PRKCE: variants seen among roughly 807,000 people sequenced by gnomAD.
PRKCE encodes the protein protein kinase C epsilon type.
PRKCE carries 16 observed loss-of-function variants against 85.4 expected under a neutral mutation model. The ratio of observed to expected loss-of-function variants is 0.19; its 90% CI spans 0.13 to 0.28. The LOEUF (loss-of-function observed/expected upper bound fraction) is 0.28, where lower values mean the gene tolerates loss of function less well. Among genes scored for constraint, PRKCE ranks in the 10% least tolerant of loss-of-function variants. The probability of loss-of-function intolerance (pLI) is 1.00; values close to 1 mark genes in which losing one functional copy is unlikely to be tolerated. For synonymous variants in PRKCE, 388 were observed against 371.5 expected (o/e 1.04, Z -0.51); for missense variants, 573 against 975.2 (o/e 0.59, Z 5.49).
At chr2:45,797,239 C>T (rs1558682490) in intron 1 of PRKCE, among the ~76,000 whole-genome samples, 1 of 152,230 alleles carries the variant, frequency 6.6e-6, no homozygotes, top group Non-Finnish European at 1.5e-5. Flanking sequence ...GGCCACTTTA[C>T]TCATTCTGCC....
chr2:45,883,176 T>C (rs1695007088), intron 2 of PRKCE, among the ~76,000 whole-genome samples: 1 of 152,258 alleles, frequency 6.6e-6, no homozygotes, highest in African/African-American at 2.4e-5. Context: ...TCACTGCATA[T>C]CGATGCTGCC....
chr2:45,826,314 T>C (rs572332568), intron 1 of PRKCE, among the ~76,000 whole-genome samples: 37 of 152,230 alleles, frequency 2.4e-4, no homozygotes, highest in Non-Finnish European at 4.4e-4. Flanking sequence ...AAATATTCTG[T>C]ATGTTACATG....
At chr2:45,832,935 A>G (rs1690555890) in intron 1 of PRKCE, among the ~76,000 whole-genome samples, 1 of 152,164 alleles carries the variant, frequency 6.6e-6, no homozygotes, top group African/African-American at 2.4e-5. Context: ...GAGAGTTGTG[A>G]TTATTAGTAT....
chr2:46,155,234 A>C lies in PRKCE; in HGVS notation c.1920+4005A>C, dbSNP rs930396332. On this transcript the variant is annotated intron_variant, in intron 13 of 14. Coordinates refer to ENST00000306156, the MANE Select transcript of PRKCE (RefSeq NM_005400.3). This position sits in a 1 kb window ranked among gnomAD's most constrained non-coding sequence, Gnocchi z 4.7. ...CTCGAAACATTAAATGATTATAACT[A>C]GTTCAATTAAATGATTACAACTAGT... Among the ~76,000 whole-genome samples the C allele has an allele frequency of 6.6e-6, 1 of 152,158 alleles. No homozygotes were observed. The highest frequency in any genetic ancestry group is 1.5e-5 in the Non-Finnish European group (1 of 68,018).
rs1677597058 is a variant in PRKCE, at chr2:46,159,986, A to G, written c.2067+234A>G. ...CAAGATGATGATTTACGTGGGCCACAGAACACCTTTTGTCTTTACAGAGAT... is the reference window on the plus strand; with the variant it reads ...CAAGATGATGATTTACGTGGGCCACGGAACACCTTTTGTCTTTACAGAGAT... On this transcript the variant is annotated intron_variant, in intron 14 of 14. Coordinates refer to ENST00000306156, the MANE Select transcript of PRKCE (RefSeq NM_005400.3). The surrounding 1 kb of genome is among the most constrained non-coding windows in gnomAD (Gnocchi z 4.1). 1 of 493,740 alleles carries G rather than the reference A, an allele frequency of 2.0e-6. No homozygotes were observed. The highest frequency in any genetic ancestry group is 3.8e-5 in the East Asian group (1 of 25,984). The allele number at this position is 493,740 out of a possible 1,614,324, so 30.6% of individuals were successfully genotyped here.
chr2:45,999,265 A>C (rs1477754956), intron 6 of PRKCE, among the ~76,000 whole-genome samples: 2 of 152,202 alleles, frequency 1.3e-5, no homozygotes, highest in African/African-American at 4.8e-5. Context: ...CTTACAAGGC[A>C]GATCACTGCC....
intron 11 of PRKCE, among the ~76,000 whole-genome samples, chr2:46,111,440 A>G (rs948788013): frequency 3.3e-5 from 5 of 152,188 alleles, no homozygotes; most frequent in African/African-American, 1.2e-4. Flanking sequence ...CAACTTTAGA[A>G]AACTTTCGTC....
chr2:45,726,745 A>G (rs1313473542), intron 1 of PRKCE, among the ~76,000 whole-genome samples: 1 of 152,186 alleles, frequency 6.6e-6, no homozygotes, highest in Non-Finnish European at 1.5e-5. Context: ...TTAAGGGGTC[A>G]GATATGTCCT....
intron 1 of PRKCE, among the ~76,000 whole-genome samples, chr2:45,840,856 T>C (rs929105762): frequency 6.6e-6 from 1 of 152,158 alleles, no homozygotes; most frequent in African/African-American, 2.4e-5. Context: ...CATGGGGACA[T>C]GTGGTGCTCA....
intron 1 of PRKCE, among the ~76,000 whole-genome samples, chr2:45,808,599 A>G (rs1287525581): frequency 6.6e-6 from 1 of 152,106 alleles, no homozygotes; most frequent in Non-Finnish European, 1.5e-5. Context: ...TCTGCCAGGG[A>G]GCTGCCAGGA....
intron 1 of PRKCE, among the ~76,000 whole-genome samples, chr2:45,782,641 T>C (rs1686280562): frequency 1.3e-5 from 2 of 152,102 alleles, no homozygotes; most frequent in Non-Finnish European, 2.9e-5. Context: ...ACCCTCAGAT[T>C]TGGGAAAGAT....
intron 1 of PRKCE, among the ~76,000 whole-genome samples, chr2:45,686,926 AAAATT>A (rs2104002937): frequency 6.6e-6 from 1 of 152,282 alleles, no homozygotes; most frequent in South Asian, 2.1e-4. Context: ...TGGAAAAACA[AAAATT>A]GGATCTATAC....
intron 11 of PRKCE, among the ~76,000 whole-genome samples, chr2:46,090,246 A>C (rs1417698859): frequency 6.6e-6 from 1 of 152,180 alleles, no homozygotes; most frequent in Admixed American, 6.5e-5. Flanking sequence ...ATTTTAAAAA[A>C]AGTGTTCTCT....
intron 1 of PRKCE, among the ~76,000 whole-genome samples, chr2:45,737,534 C>A (rs992868025): frequency 4.6e-5 from 7 of 152,182 alleles, no homozygotes; most frequent in Admixed American, 6.5e-5. Context: ...CTCGCAACTG[C>A]CCAGCGGAGG....
intron 2 of PRKCE, among the ~76,000 whole-genome samples, chr2:45,877,910 AC>A (rs1408811668): frequency 7.9e-5 from 12 of 152,360 alleles, no homozygotes; most frequent in Admixed American, 7.2e-4. Context: ...AAGAACAGGA[AC>A]TTCACCGAAT....
intron 14 of PRKCE, among the ~76,000 whole-genome samples, chr2:46,165,556 C>T (rs1267625453): frequency 2.0e-5 from 3 of 152,236 alleles, no homozygotes; most frequent in South Asian, 4.1e-4. Context: ...TTGGGGATTT[C>T]ATCCCAAGAT....
intron 10 of PRKCE, among the ~76,000 whole-genome samples, chr2:46,021,861 G>C (rs924167225): frequency 6.6e-6 from 1 of 152,128 alleles, no homozygotes; most frequent in Non-Finnish European, 1.5e-5. Context: ...GTTTAGATTC[G>C]TGTTGAATTT....
chr2:45,965,380 G>GGTTTTGTTT (rs1701666899), intron 2 of PRKCE, among the ~76,000 whole-genome samples: 3 of 152,146 alleles, frequency 2.0e-5, no homozygotes, highest in African/African-American at 4.8e-5. Flanking sequence ...TTTAGTACCT[G>GGTTTTGTTT]GTTTTGTTTG....
chr2:45,745,751 T>TG lies in PRKCE; in HGVS notation c.348+93304dup, dbSNP rs200815525. Among the ~76,000 whole-genome samples the TG allele has an allele frequency of 9.2e-5, 14 of 152,290 alleles. No individual in the cohort carries two copies. In the East Asian group the frequency reaches 2.5e-3, roughly 27 times the overall value. On this transcript the variant is annotated intron_variant, in intron 1 of 14. Transcript: ENST00000306156. ...GGGATAATACGTGTGGACCAGCCCC[T>TG]GAGTGTGTCCTCAGTATCTGAACAG... is the stretch of plus-strand genomic sequence containing the variant.
Sources: gnomAD v4.1 joint callset for allele counts (sites outside exome capture counted in the v4.1 genomes callset) on GRCh38, gnomAD v4.1.1 for gene constraint, Gnocchi (gnomAD v3.1) non-coding constraint, MANE v1.5 for transcripts, NCBI Gene and HGNC (gene_info 2026-07-23, HGNC 2026-07-21) for gene names.